ENG: variants seen among roughly 807,000 people sequenced by gnomAD.
The protein encoded by ENG is CD105 antigen.
In ENG, 17 loss-of-function variants were observed where a neutral mutation model predicts 71.0. The observed-to-expected ratio is 0.24, with a 90% CI of 0.16 to 0.36. The LOEUF (loss-of-function observed/expected upper bound fraction) is 0.36. Among genes scored for constraint, ENG ranks in the 10% least tolerant of loss-of-function variants. The pLI is 1.00. For missense variants in ENG, 749 were observed against 868.3 expected (o/e 0.86, Z 1.73); for synonymous variants, 360 against 366.9 (o/e 0.98, Z 0.21).
chr9:127,826,475 A>G, intron 4 of ENG, 35 bp downstream of exon 4: 2 of 1,613,672 alleles, frequency 1.2e-6, no homozygotes, highest in Non-Finnish European at 1.7e-6. Flanking sequence ...CCTGAGCAGT[A>G]TCATGAGCCC....
At chr9:127,842,828 C>T (rs1831071539) in intron 2 of ENG, among the ~76,000 whole-genome samples, 1 of 147,400 alleles carries the variant, frequency 6.8e-6, no homozygotes. Flanking sequence ...CTCACCTGGT[C>T]CCCCCCACCC....
chr9:127,844,254 C>G (rs1564463325), intron 1 of ENG, among the ~76,000 whole-genome samples: 4 of 151,058 alleles, frequency 2.6e-5, no homozygotes, highest in African/African-American at 4.9e-5. Flanking sequence ...GCCTCCCGAG[C>G]AGCTAGGATT....
chr9:127,824,658 G>T, intron 7 of ENG, 142 bp downstream of exon 7: 2 of 1,125,898 alleles, frequency 1.8e-6, no homozygotes, highest in Non-Finnish European at 2.4e-6. Flanking sequence ...TACTCCCATT[G>T]TTCCCATGTG....
At chr9:127,824,731 T>G (rs1200978018) in intron 7 of ENG, 69 bp downstream of exon 7, 1 of 1,402,266 alleles carries the variant, frequency 7.1e-7, no homozygotes, top group African/African-American at 1.5e-5. Flanking sequence ...ACAGAGGTGC[T>G]TCACCAACAG....
In ENG at chr9:127,836,399, G is replaced by A. The variant is rs1024733087; in HGVS notation, c.220-6572C>T. Among the ~76,000 whole-genome samples, 16 of 152,248 alleles carry A rather than the reference G, an allele frequency of 1.1e-4. No individual in the cohort carries two copies. Among genetic ancestry groups the A allele is most frequent in the African/African-American group, 3.6e-4 (15 of 41,470 alleles). On this transcript the variant is annotated intron_variant, in intron 2 of 14. Transcript: ENST00000373203. The surrounding 1 kb of genome is among the most constrained non-coding windows in gnomAD (Gnocchi z 4.0). Reference sequence around the variant, plus strand: ...GTTGGTGGCAGGAAGGGGGGATTTCGGTGAGGAGGCCCTGAGTGCTAGTAG... The same window carrying A: ...GTTGGTGGCAGGAAGGGGGGATTTCAGTGAGGAGGCCCTGAGTGCTAGTAG...
rs1830956524 is a variant in ENG at position 127,838,549 on chromosome 9, G to C, written c.219+4545C>G. On this transcript the variant is annotated intron_variant, in intron 2 of 14. Transcript: ENST00000373203. The surrounding 1 kb of genome is among the most constrained non-coding windows in gnomAD (Gnocchi z 4.3). ...AGTGAGTCAGTGCTGGGGCCTGACA[G>C]GCTGTGTCTGTTCAGGGGTGGGTGG... 6.6e-6 allele frequency among the ~76,000 whole-genome samples: 1 copy of C among 152,226 alleles called. No homozygotes were observed. Among genetic ancestry groups the C allele is most frequent in the South Asian group, 2.1e-4 (1 of 4,832 alleles).
chr9:127,818,940 C>CTT lies in ENG; in HGVS notation c.1312-110_1312-109dup, dbSNP rs373626892. Reference sequence around the variant, plus strand: ...TGGCCCTGTGGAGTTGCCTGACTCTCTTTTTTTTTTTTTTTGAGACGGAGT... The same window carrying CTT: ...TGGCCCTGTGGAGTTGCCTGACTCTCTTTTTTTTTTTTTTTTTGAGACGGAGT... On this transcript the variant is annotated intron_variant, in intron 10 of 14. Coordinates refer to ENST00000373203, the MANE Select transcript of ENG (RefSeq NM_001114753.3). 4.6e-3 allele frequency: 3,167 copies of CTT among 681,856 alleles called. 12 individuals carry two copies. The highest frequency in any genetic ancestry group is 0.019 in the African/African-American group (987 of 51,240). The allele number at this position is 681,856 out of a possible 1,614,324, so 42.2% of individuals were successfully genotyped here.
At chr9:127,854,112 A>G (rs1227914151) in intron 1 of ENG, among the ~76,000 whole-genome samples, 177 bp downstream of exon 1, 2 of 152,242 alleles carry the variant, frequency 1.3e-5, no homozygotes, top group Non-Finnish European at 2.9e-5. Context: ...TTCAACACTG[A>G]AAGTCCTGCA....
At chr9:127,851,416 T>C (rs1286273880) in intron 1 of ENG, among the ~76,000 whole-genome samples, 1 of 151,896 alleles carries the variant, frequency 6.6e-6, no homozygotes, top group East Asian at 2.0e-4. Context: ...GACAAGGTTT[T>C]GCCATGTTGG....
Position 127,824,481 on chromosome 9 carries a change from C to A in ENG, c.992-35G>T. 3 of 1,505,202 alleles carry A rather than the reference C, an allele frequency of 2.0e-6. No homozygotes were observed. The South Asian group carries it at 3.4e-5, about 17-fold the overall frequency. The allele number at this position is 1,505,202 out of a possible 1,614,324, so 93.2% of individuals were successfully genotyped here. On this transcript the variant is annotated intron_variant, in intron 7 of 14. Transcript: ENST00000373203. ...AGCAGAGGCAGGCCAGGCGGCTGGT[C>A]ACTGTGTGATCACTGTGTGCCCGCA...
In ENG at chr9:127,817,180, C is replaced by A. The variant is rs757511675; in HGVS notation, c.1710G>T (p.Met570Ile). 3.1e-6 allele frequency: 5 copies of A among 1,614,174 alleles called. No individual in the cohort carries two copies. The Admixed American group carries it at 8.3e-5, about 27-fold the overall frequency. The change falls in exon 13 of 15, where the codon ATG (methionine) becomes ATT (isoleucine). Residue 570 changes from methionine (M) to isoleucine (I), a missense_variant. By Grantham distance (10) the Met-to-Ile change is conservative (BLOSUM62 1). Coordinates refer to ENST00000373203, the MANE Select transcript of ENG (RefSeq NM_001114753.3). ...GGTCAGGGCTGATGATGTTCAAGCG[C>A]ATGAAGACAGTCCTATGGACTTCCT... ...QDQEVHRTVF[M>I]RLNIISPDLS...
In ENG at chr9:127,815,593, G is replaced by A. The variant is rs555125523; in HGVS notation, c.*89C>T. ...AGCAGGCTCCATTCTGGGTCGAGTGGAGGACTGGCTCCCAGGGTGAGTTCA... is the reference window on the plus strand; with the variant it reads ...AGCAGGCTCCATTCTGGGTCGAGTGAAGGACTGGCTCCCAGGGTGAGTTCA... On this transcript the variant is annotated 3_prime_UTR_variant, in exon 15 of 15. Coordinates refer to ENST00000373203, the MANE Select transcript of ENG (RefSeq NM_001114753.3). 57 of 1,505,230 alleles carry A rather than the reference G, an allele frequency of 3.8e-5. 2 individuals are homozygous for A. The South Asian group carries it at 6.6e-4, about 18-fold the overall frequency. The allele number at this position is 1,505,230 out of a possible 1,614,324, so 93.2% of individuals were successfully genotyped here.
At chr9:127,851,644 G>T (rs1366434538) in intron 1 of ENG, among the ~76,000 whole-genome samples, 2 of 152,050 alleles carry the variant, frequency 1.3e-5, no homozygotes, top group Non-Finnish European at 2.9e-5. Flanking sequence ...ACTTTGGGAG[G>T]CTGAGGCAGG....
intron 10 of ENG, 49 bp from the exon 11 acceptor site, chr9:127,818,881 G>C (rs773419231): frequency 2.6e-6 from 4 of 1,545,814 alleles, no homozygotes; most frequent in African/African-American, 1.4e-5. Flanking sequence ...GCGCCAGCCA[G>C]GAGGGCGAGG....
At chr9:127,840,654 C>G (rs1831008748) in intron 2 of ENG, among the ~76,000 whole-genome samples, 1 of 152,196 alleles carries the variant, frequency 6.6e-6, no homozygotes, top group South Asian at 2.1e-4. Context: ...AAGGACCACC[C>G]TCTGCACACC....
Position 127,836,102 on chromosome 9 carries a change from G to GACTCAC in ENG, c.220-6281_220-6276dup, listed in dbSNP as rs941191714. Reference sequence around the variant, plus strand: ...CAAACATTTCCCTCCCCACGGCCCTGACTCACCGCCACGGCCACTCACACG... The same window carrying GACTCAC: ...CAAACATTTCCCTCCCCACGGCCCTGACTCACACTCACCGCCACGGCCACTCACACG... On this transcript the variant is annotated intron_variant, in intron 2 of 14. Coordinates refer to ENST00000373203, the MANE Select transcript of ENG (RefSeq NM_001114753.3). This position sits in a 1 kb window ranked among gnomAD's most constrained non-coding sequence, Gnocchi z 4.0. Among the ~76,000 whole-genome samples, 2 of 152,190 alleles carry GACTCAC rather than the reference G, an allele frequency of 1.3e-5. No homozygotes were observed. The highest frequency in any genetic ancestry group is 1.3e-4 in the Admixed American group (2 of 15,278).
intron 5 of ENG, 104 bp from the exon 6 acceptor site, chr9:127,825,461 G>A (rs1830588044): frequency 1.3e-6 from 2 of 1,555,918 alleles, no homozygotes; most frequent in Non-Finnish European, 1.7e-6. Context: ...CTGGCCAGGT[G>A]TGGGTTTATG....
At position 127,825,253 on chromosome 9, in the gene ENG, G is replaced by A; in HGVS notation, c.794C>T (p.Ala265Val). 1.2e-6 allele frequency: 2 copies of A among 1,612,832 alleles called. No homozygotes were observed. The highest frequency in any genetic ancestry group is 1.7e-6 in the Non-Finnish European group (2 of 1,179,758). The change falls in exon 6 of 15, where the codon GCC becomes GTC. Residue 265 changes from alanine to valine, a missense_variant. Coordinates refer to ENST00000373203, the MANE Select transcript of ENG (RefSeq NM_001114753.3). ...CACCCAGATCTGCATGTTGTGGTTG[G>A]CGTCGATGAGCCAGGACACGTAGGG... Reference protein sequence around the residue: ...GPPYVSWLIDANHNMQIWTTG... With the variant: ...GPPYVSWLIDVNHNMQIWTTG...
chr9:127,829,157 C>A (rs1830698743), intron 3 of ENG, among the ~76,000 whole-genome samples: 1 of 152,116 alleles, frequency 6.6e-6, no homozygotes, highest in Non-Finnish European at 1.5e-5. Context: ...TTTAAAAATA[C>A]TTTTTTCTCC....
Sources: gnomAD v4.1 joint callset for allele counts (sites outside exome capture counted in the v4.1 genomes callset) on GRCh38, gnomAD v4.1.1 for gene constraint, Gnocchi (gnomAD v3.1) non-coding constraint, MANE v1.5 for transcripts, NCBI Gene and HGNC (gene_info 2026-07-23, HGNC 2026-07-21) for gene names.